PLXDC2: variants seen among roughly 807,000 people sequenced by gnomAD.
The protein encoded by PLXDC2 is plexin domain-containing protein 2.
Under a neutral mutation model 68.9 loss-of-function variants are expected in PLXDC2, and 40 were observed. That is an observed-to-expected ratio of 0.58 (90% CI 0.45 to 0.76). The LOEUF is 0.76. Among genes scored for constraint, PLXDC2 ranks in the 30% least tolerant of loss-of-function variants. The pLI is 0.00. For missense variants in PLXDC2, 644 were observed against 661.9 expected, an observed-to-expected ratio of 0.97 and a Z score of 0.30; for synonymous variants, 243 against 234.2, an observed-to-expected ratio of 1.04 and a Z score of -0.34.
intron 1 of PLXDC2, among the ~76,000 whole-genome samples, chr10:19,937,485 G>T (rs993262730): frequency 4.1e-5 from 6 of 147,480 alleles, no homozygotes; most frequent in Non-Finnish European, 7.4e-5. Context: ...TCCCTCATCT[G>T]TGTTCCCATG....
At chr10:20,165,591 CT>C (rs565755355) in intron 7 of PLXDC2, among the ~76,000 whole-genome samples, 126 of 152,188 alleles carry the variant, frequency 8.3e-4, no homozygotes, top group African/African-American at 2.9e-3. Flanking sequence ...ATCCATGTCC[CT>C]GTGCTATCTT....
intron 1 of PLXDC2, among the ~76,000 whole-genome samples, chr10:19,820,285 G>T (rs1487272619): frequency 6.6e-6 from 1 of 152,134 alleles, no homozygotes; most frequent in Non-Finnish European, 1.5e-5. Context: ...TAATAATTTT[G>T]CTCCAGACAG....
intron 1 of PLXDC2, among the ~76,000 whole-genome samples, chr10:19,873,561 A>G (rs1311547213): frequency 6.6e-6 from 1 of 152,038 alleles, no homozygotes; most frequent in Non-Finnish European, 1.5e-5. Flanking sequence ...CTGGGACTAC[A>G]GGTGTGCACC....
At chr10:20,260,351 T>A (rs367799075) in intron 13 of PLXDC2, among the ~76,000 whole-genome samples, 14 of 152,330 alleles carry the variant, frequency 9.2e-5, no homozygotes, top group African/African-American at 2.9e-4. Context: ...TTCTCCCATT[T>A]CCCTATTTCC....
chr10:19,860,416 T>C (rs117612007), intron 1 of PLXDC2, among the ~76,000 whole-genome samples: 1 of 152,152 alleles, frequency 6.6e-6, no homozygotes. Context: ...CATAAATACC[T>C]GTTGATGAAT....
intron 1 of PLXDC2, among the ~76,000 whole-genome samples, chr10:19,876,191 G>A (rs1246566115): frequency 6.6e-6 from 1 of 152,096 alleles, no homozygotes; most frequent in Non-Finnish European, 1.5e-5. Flanking sequence ...GAAGGATTTG[G>A]GATTGCAGAG....
intron 4 of PLXDC2, among the ~76,000 whole-genome samples, chr10:20,098,790 A>G (rs1238279931): frequency 6.6e-6 from 1 of 152,148 alleles, no homozygotes; most frequent in Admixed American, 6.5e-5. Context: ...ATTCTGACAA[A>G]TGAGACACAA....
intron 9 of PLXDC2, among the ~76,000 whole-genome samples, chr10:20,190,598 A>AAT (rs67612054): frequency 0.025 from 3,709 of 148,480 alleles, 130 homozygotes; most frequent in African/African-American, 0.079. Flanking sequence ...AAGTGTAATA[A>AAT]ATATATATAT....
In PLXDC2 at chr10:20,082,059, A is replaced by AAC. The variant is rs1564308502; in HGVS notation, c.541+13821_541+13822insCA. Among the ~76,000 whole-genome samples the AAC allele has an allele frequency of 3.0e-5, 4 of 135,140 alleles. 1 individual carries two copies. Among genetic ancestry groups the AAC allele is most frequent in the African/African-American group, 1.1e-4 (4 of 37,194 alleles). 88.7% of individuals were successfully genotyped at this position (135,140 alleles called of 152,430 possible). The stretch of plus-strand genomic sequence containing the variant: ...AAACTCCATCTGAAAAAAAAAAAAA[A>AAC]AAATCAAAAAAAAAAAACAGGAGAA... On this transcript the variant is annotated intron_variant, in intron 4 of 13. Coordinates refer to ENST00000377252, the MANE Select transcript of PLXDC2 (RefSeq NM_032812.9).
chr10:19,997,507 C>T (rs764435824), intron 1 of PLXDC2, among the ~76,000 whole-genome samples: 33 of 152,134 alleles, frequency 2.2e-4, no homozygotes, highest in Non-Finnish European at 4.1e-4. Flanking sequence ...TATGCAGTTA[C>T]TTTTTGGTGG....
chr10:20,235,254 C>A (rs966926989), intron 12 of PLXDC2, among the ~76,000 whole-genome samples: 3 of 152,304 alleles, frequency 2.0e-5, no homozygotes, highest in Admixed American at 1.3e-4. Context: ...GGAATGGATT[C>A]CTTCTTTCCA....
chr10:20,087,065 C>T (rs1289286365), intron 4 of PLXDC2, among the ~76,000 whole-genome samples: 1 of 152,146 alleles, frequency 6.6e-6, no homozygotes, highest in African/African-American at 2.4e-5. Flanking sequence ...AAATAAAAAA[C>T]AATGTCAAAA....
intron 12 of PLXDC2, among the ~76,000 whole-genome samples, chr10:20,224,264 G>C (rs767122214): frequency 5.3e-5 from 8 of 152,086 alleles, no homozygotes; most frequent in Non-Finnish European, 1.2e-4. Flanking sequence ...GTGAGCCACT[G>C]CACCCGGCTG....
In PLXDC2 at chr10:20,287,986, G is replaced by GT. The variant is rs1588562950; in HGVS notation, c.*8167_*8168insT. On this transcript the variant is annotated 3_prime_UTR_variant, in exon 14 of 14. Coordinates refer to ENST00000377252, the MANE Select transcript of PLXDC2 (RefSeq NM_032812.9). ...ATTGGGCACTTCTTGCGGCGGGGGA[G>GT]GGGGGGGGGGCGGTGGCTTTCCAGA... 4 of 94,026 alleles carry GT rather than the reference G, an allele frequency of 4.3e-5. No homozygotes were observed. Among genetic ancestry groups the GT allele is most frequent in the Non-Finnish European group, 8.6e-5 (4 of 46,750 alleles). 5.8% of individuals were successfully genotyped at this position (94,026 alleles called of 1,614,324 possible). A position where few individuals can be genotyped will look rare whatever the true frequency, so the allele number is the denominator to read the frequency against.
At chr10:20,056,031 C>T (rs149064615) in intron 3 of PLXDC2, among the ~76,000 whole-genome samples, 1 of 152,154 alleles carries the variant, frequency 6.6e-6, no homozygotes, top group East Asian at 1.9e-4. Context: ...TCATCGGATC[C>T]AAATTCAAGT....
intron 2 of PLXDC2, among the ~76,000 whole-genome samples, chr10:20,006,248 C>G (rs1158401012): frequency 6.6e-6 from 1 of 151,912 alleles, no homozygotes; most frequent in Non-Finnish European, 1.5e-5. Context: ...TAGTTTTGCC[C>G]CATTGTTAAA....
intron 7 of PLXDC2, among the ~76,000 whole-genome samples, chr10:20,166,007 A>G (rs1305294062): frequency 1.3e-5 from 2 of 152,148 alleles, no homozygotes; most frequent in Non-Finnish European, 2.9e-5. Context: ...ATAATAAAAT[A>G]TATCTCAAGA....
chr10:19,959,724 G>A (rs1346742437), intron 1 of PLXDC2, among the ~76,000 whole-genome samples: 1 of 152,138 alleles, frequency 6.6e-6, no homozygotes, highest in Non-Finnish European at 1.5e-5. Flanking sequence ...GGGAGTGCCA[G>A]ATGTATTTAG....
chr10:20,279,794 G>C lies in PLXDC2; in HGVS notation c.1565G>C (p.Gly522Ala), dbSNP rs761105492. ...GTTGAACCAGTTGGAGAGAAAGAAG[G>C]CTTTATTGTATCAGAGCAGTGCTAA... The part of the protein sequence containing the change: ...AEVEPVGEKE[G>A]FIVSEQC Residue 522 changes from glycine (G) to alanine (A), a missense_variant, in exon 14 of 14, where the codon GGC (glycine) becomes GCC (alanine). Around this residue, in one of 3 missense-constraint regions of PLXDC2, gnomAD observed 330 missense variants for 327.9 expected, o/e 1.01. Coordinates refer to ENST00000377252, the MANE Select transcript of PLXDC2 (RefSeq NM_032812.9). 1.2e-6 allele frequency: 2 copies of C among 1,613,904 alleles called. No homozygotes were observed. The highest frequency in any genetic ancestry group is 1.7e-6 in the Non-Finnish European group (2 of 1,179,890).
Sources: gnomAD v4.1 joint callset for allele counts (sites outside exome capture counted in the v4.1 genomes callset) on GRCh38, gnomAD v4.1.1 for gene constraint, gnomAD v4.1.1 regional missense constraint, MANE v1.5 for transcripts, NCBI Gene and HGNC (gene_info 2026-07-23, HGNC 2026-07-21) for gene names.